Variants in AASS observed in about 807,000 individuals in gnomAD.
The protein encoded by AASS is aminoadipate-semialdehyde synthase.
In AASS, 86 loss-of-function variants were observed where a neutral mutation model predicts 105.4. The ratio of observed to expected loss-of-function variants is 0.82; its 90% confidence interval spans 0.69 to 0.98. The LOEUF is 0.98. Ranked by LOEUF, AASS falls within the 50% of genes least tolerant of loss-of-function variation. The pLI, the probability that AASS is intolerant of heterozygous loss-of-function variation, is 0.00. For missense variants in AASS, 1,048 were observed against 1,143.2 expected (o/e 0.92, Z 1.20); for synonymous variants, 381 against 394.8 (o/e 0.96, Z 0.41).
intron 4 of AASS, among the ~76,000 whole-genome samples, chr7:122,123,226 G>C (rs1795513894): frequency 6.6e-6 from 1 of 152,148 alleles, no homozygotes; most frequent in East Asian, 1.9e-4. Flanking sequence ...TTGGTACTAT[G>C]TGTTGCCAAT....
chr7:122,092,739 T>C (rs1793966040), intron 17 of AASS, 104 bp downstream of exon 17: 1 of 1,020,612 alleles, frequency 9.8e-7, no homozygotes, highest in Non-Finnish European at 1.5e-6. Context: ...AAAAAAAATC[T>C]TTAACTTTGA....
intron 2 of AASS, among the ~76,000 whole-genome samples, chr7:122,132,771 C>G (rs1379249701): frequency 6.6e-6 from 1 of 152,126 alleles, no homozygotes; most frequent in Non-Finnish European, 1.5e-5. Flanking sequence ...GCAGGACACT[C>G]TGTAAGTCTT....
chr7:122,131,652 A>G (rs2150552070), intron 2 of AASS, among the ~76,000 whole-genome samples: 1 of 152,148 alleles, frequency 6.6e-6, no homozygotes, highest in South Asian at 2.1e-4. Context: ...GTTTGTGTAT[A>G]TTTCTAAACT....
rs1794278645 is a variant in AASS, at chr7:122,098,555, A to G, written c.1550T>C (p.Ile517Thr). The G allele has an allele frequency of 6.2e-7, 1 of 1,609,756 alleles. No individual in the cohort carries two copies. Among genetic ancestry groups the G allele is most frequent in the Middle Eastern group, 1.7e-4 (1 of 6,016 alleles). ...ATTATATTTCTTGCCTAACTGTTCA[A>G]TTTGATTCTTCATGTCAGATCCTAT... ...ITVGSDMKNQ[I>T]EQLGKKYNIN... The change falls in exon 15 of 24, where the codon ATT becomes ACT. Residue 517 changes from isoleucine to threonine, a missense_variant. Coordinates refer to ENST00000417368, the MANE Select transcript of AASS (RefSeq NM_005763.4).
chr7:122,108,848 T>C (rs545726350), intron 11 of AASS, among the ~76,000 whole-genome samples: 2 of 151,858 alleles, frequency 1.3e-5, no homozygotes. Flanking sequence ...GGTACCCAAA[T>C]TGGAAAGCAG....
chr7:122,140,485 C>CAAAAAAAA (rs57828681), intron 1 of AASS, among the ~76,000 whole-genome samples: 6,510 of 37,208 alleles, frequency 0.17, 1,231 homozygotes, highest in African/African-American at 0.25. Context: ...GACTCAGTCT[C>CAAAAAAAA]AAAAAAAAAA....
chr7:122,142,403 G>A (rs752774340), intron 1 of AASS, among the ~76,000 whole-genome samples: 4 of 151,984 alleles, frequency 2.6e-5, no homozygotes, highest in Non-Finnish European at 5.9e-5. Flanking sequence ...AGACCTTCAC[G>A]ATGGCTCCAT....
intron 2 of AASS, 87 bp from the exon 3 acceptor site, chr7:122,129,624 A>G (rs935598855): frequency 4.1e-6 from 5 of 1,213,830 alleles, no homozygotes; most frequent in Non-Finnish European, 6.0e-6. Flanking sequence ...AAGGCACAAC[A>G]AATCTTTTGA....
rs188776648 is a variant in AASS, at chr7:122,095,194, C to T, written c.1656-2036G>A. On this transcript the variant is annotated intron_variant, in intron 15 of 23. Coordinates refer to ENST00000417368, the MANE Select transcript of AASS (RefSeq NM_005763.4). The stretch of plus-strand genomic sequence containing the variant: ...GGTCCACGGAGGAGACAGGCTTTAA[C>T]GGTGTTGATCAGTGTAAATGCTATC... Among the ~76,000 whole-genome samples, 162 of 151,984 alleles carry T rather than the reference C, an allele frequency of 1.1e-3. 2 individuals are homozygous for T. Among genetic ancestry groups the T allele is most frequent in the Non-Finnish European group, 3.4e-4 (23 of 67,962 alleles).
chr7:122,143,569 C>A (rs895970204), intron 1 of AASS, among the ~76,000 whole-genome samples: 1 of 151,618 alleles, frequency 6.6e-6, no homozygotes, highest in Admixed American at 6.6e-5. Context: ...AACTTCCACC[C>A]ATCTCCGATC....
chr7:122,102,052 A>C (rs1336816980), intron 11 of AASS, among the ~76,000 whole-genome samples: 1 of 151,944 alleles, frequency 6.6e-6, no homozygotes. Flanking sequence ...ACTCCATTCC[A>C]AAAGTTCAAG....
At position 122,074,332 on chromosome 7, in the gene AASS, C is replaced by T. The variant is rs925434108; in HGVS notation, c.*2157G>A. 1.2e-4 allele frequency among the ~76,000 whole-genome samples: 18 copies of T among 151,946 alleles called. No individual in the cohort carries two copies. Among genetic ancestry groups the T allele is most frequent in the African/African-American group, 4.1e-4 (17 of 41,362 alleles). On this transcript the variant is annotated 3_prime_UTR_variant, in exon 24 of 24. Transcript: ENST00000417368. ...TGATTTTTAAAAATTGAATTATATG[C>T]CTTTTAATTATTATTGTAACAGTTC...
rs923341658 is a variant in AASS, at chr7:122,074,038, C to T, written c.*2451G>A. On this transcript the variant is annotated 3_prime_UTR_variant, in exon 24 of 24. Transcript: ENST00000417368. ...CTATTATAAATAATGCTGCAAAGAACATCTGTGCACAAGTTTTTGTGTAGA... is the reference window on the plus strand; with the variant it reads ...CTATTATAAATAATGCTGCAAAGAATATCTGTGCACAAGTTTTTGTGTAGA... Among the ~76,000 whole-genome samples, 5 of 152,156 alleles carry T rather than the reference C, an allele frequency of 3.3e-5. No homozygotes were observed. Among genetic ancestry groups the T allele is most frequent in the East Asian group, 1.9e-4 (1 of 5,192 alleles).
At position 122,076,189 on chromosome 7, in the gene AASS, C is replaced by CAAA; in HGVS notation, c.*297_*299dup. The stretch of plus-strand genomic sequence containing the variant: ...ACTCCATCTCAAAAAACAACAACAA[C>CAAA]AAAAAAAAAACAAAAGAAAAAAAGT... On this transcript the variant is annotated 3_prime_UTR_variant, in exon 24 of 24. Transcript: ENST00000417368. 3.6e-6 allele frequency: 1 copy of CAAA among 279,466 alleles called. No individual in the cohort carries two copies. Among genetic ancestry groups the CAAA allele is most frequent in the East Asian group, 9.1e-5 (1 of 11,024 alleles). The allele number at this position is 279,466 out of a possible 1,614,324, so 17.3% of individuals were successfully genotyped here.
At chr7:122,095,285 G>A (rs555094932) in intron 15 of AASS, among the ~76,000 whole-genome samples, 6 of 152,106 alleles carry the variant, frequency 3.9e-5, no homozygotes, top group African/African-American at 9.6e-5. Context: ...ACTTTGATTC[G>A]GTTTTCAACA....
rs533476674 is a variant in AASS, at chr7:122,098,571, C to T, written c.1534G>A (p.Asp512Asn). 291 of 1,607,836 alleles carry T rather than the reference C, an allele frequency of 1.8e-4. 6 individuals carry two copies. In the South Asian group the frequency reaches 2.3e-3, roughly 13 times the overall value. The change falls in exon 15 of 24, where the codon GAC (aspartate) becomes AAC (asparagine). Residue 512 changes from aspartate to asparagine, a missense_variant. Asp to Asn is a conservative substitution (Grantham distance 23). Coordinates refer to ENST00000417368, the MANE Select transcript of AASS (RefSeq NM_005763.4). ...AACTGTTCAATTTGATTCTTCATGTCAGATCCTATTTCAGTAATTAAAAGT... is the reference window on the plus strand; with the variant it reads ...AACTGTTCAATTTGATTCTTCATGTTAGATCCTATTTCAGTAATTAAAAGT... ...DGNIEITVGS[D>N]MKNQIEQLGK...
chr7:122,135,517 A>T (rs1167266480), intron 1 of AASS, among the ~76,000 whole-genome samples: 2 of 152,166 alleles, frequency 1.3e-5, no homozygotes, highest in African/African-American at 2.4e-5. Flanking sequence ...AAGTGAGAAG[A>T]TTGTGTAATT....
rs1412321205 is a variant in AASS at position 122,073,987 on chromosome 7, G to T, written c.*2502C>A. Among the ~76,000 whole-genome samples, 4 of 152,010 alleles carry T rather than the reference G, an allele frequency of 2.6e-5. No individual in the cohort carries two copies. The highest frequency in any genetic ancestry group is 7.3e-5 in the African/African-American group (3 of 41,314). ...TTGTTTATTCACTTGTTAGTTGATAGAAATTAGGGCTGTTTCAATTTTGGG... is the reference window on the plus strand; with the variant it reads ...TTGTTTATTCACTTGTTAGTTGATATAAATTAGGGCTGTTTCAATTTTGGG... On this transcript the variant is annotated 3_prime_UTR_variant, in exon 24 of 24. Transcript: ENST00000417368.
At chr7:122,134,328 T>C (rs1340743240) in intron 1 of AASS, among the ~76,000 whole-genome samples, 1 of 152,162 alleles carries the variant, frequency 6.6e-6, no homozygotes, top group Non-Finnish European at 1.5e-5. Flanking sequence ...TGTACATAAA[T>C]AGAAAGTAAG....
Sources: gnomAD v4.1 joint callset for allele counts (sites outside exome capture counted in the v4.1 genomes callset) on GRCh38, gnomAD v4.1.1 for gene constraint, MANE v1.5 for transcripts, NCBI Gene and HGNC (gene_info 2026-07-23, HGNC 2026-07-21) for gene names.